Variants in ATXN1 observed in about 807,000 individuals in gnomAD.
ATXN1 encodes the protein ataxin 1.
Under a neutral mutation model 56.4 loss-of-function variants are expected in ATXN1, and 8 were observed. The ratio of observed to expected loss-of-function variants is 0.14; its 90% confidence interval spans 0.08 to 0.26. The LOEUF (loss-of-function observed/expected upper bound fraction) is 0.26. Among genes scored for constraint, ATXN1 ranks in the 10% least tolerant of loss-of-function variants. The pLI, the probability that ATXN1 is intolerant of heterozygous loss-of-function variation, is 1.00. For synonymous variants in ATXN1, 514 were observed against 494.6 expected, an observed-to-expected ratio of 1.04 and a Z score of -0.52; for missense variants, 987 against 1,106.5, an observed-to-expected ratio of 0.89 and a Z score of 1.53.
intron 2 of ATXN1, among the ~76,000 whole-genome samples, chr6:16,724,834 T>C (rs1759815936): frequency 6.6e-6 from 1 of 152,180 alleles, no homozygotes; most frequent in Non-Finnish European, 1.5e-5. Context: ...TGGATAACTT[T>C]AGATTTTTCC....
intron 6 of ATXN1, among the ~76,000 whole-genome samples, chr6:16,403,952 A>G (rs984050967): frequency 1.3e-5 from 2 of 152,192 alleles, no homozygotes; most frequent in Non-Finnish European, 2.9e-5. Context: ...CAATATAGAG[A>G]CACTGGAGGG....
chr6:16,311,727 ACCTCTTAGAGT>A (rs59176676), intron 7 of ATXN1, among the ~76,000 whole-genome samples: 7,175 of 152,290 alleles, frequency 0.047, 346 homozygotes, highest in East Asian at 0.15. Context: ...CCTCTTGCAA[ACCTCTTAGAGT>A]CATTAACAAC....
At chr6:16,617,591 C>T (rs1370803673) in intron 3 of ATXN1, among the ~76,000 whole-genome samples, 4 of 151,694 alleles carry the variant, frequency 2.6e-5, no homozygotes, top group Non-Finnish European at 5.9e-5. Flanking sequence ...AGTGAAACCC[C>T]GTCTCTACTA....
Position 16,506,693 on chromosome 6 carries a change from T to C in ATXN1, c.-299+15934A>G, listed in dbSNP as rs1192286816. On this transcript the variant is annotated intron_variant, in intron 5 of 7. Coordinates refer to ENST00000436367, the MANE Select transcript of ATXN1 (RefSeq NM_001128164.2). The surrounding 1 kb of genome is among the most constrained non-coding windows in gnomAD (Gnocchi z 4.1). ...ATGTGAAATGAACATTATCATTATT[T>C]GTTTCAGTGGAGGCTCACTGGCAAA... is the stretch of plus-strand genomic sequence containing the variant. Among the ~76,000 whole-genome samples, 1 of 152,236 alleles carries C rather than the reference T, an allele frequency of 6.6e-6. No homozygotes were observed. The highest frequency in any genetic ancestry group is 1.5e-5 in the Non-Finnish European group (1 of 68,036).
At chr6:16,673,030 AAAAAAAGAAAAG>A (rs1758579393) in intron 2 of ATXN1, among the ~76,000 whole-genome samples, 1 of 151,454 alleles carries the variant, frequency 6.6e-6, no homozygotes, top group Non-Finnish European at 1.5e-5. Flanking sequence ...CAAAAAAAAA[AAAAAAAGAAAAG>A]AAAAGAAAGA....
chr6:16,564,425 T>A (rs1250330329), intron 4 of ATXN1, among the ~76,000 whole-genome samples: 3 of 152,196 alleles, frequency 2.0e-5, no homozygotes, highest in Admixed American at 1.3e-4. Context: ...AGCAGCACTG[T>A]TCATAATAGT....
chr6:16,586,836 T>C (rs954884278), intron 3 of ATXN1, among the ~76,000 whole-genome samples: 8 of 152,098 alleles, frequency 5.3e-5, no homozygotes, highest in Non-Finnish European at 1.0e-4. Flanking sequence ...CTGGCCAACA[T>C]GGTGTAACCC....
chr6:16,346,732 AGCCCTCACT>A (rs1295841497), intron 6 of ATXN1, among the ~76,000 whole-genome samples: 219 of 150,844 alleles, frequency 1.5e-3, no homozygotes, highest in African/African-American at 5.0e-3. Flanking sequence ...CAGCCCTCAC[AGCCCTCACT>A]TGCTCTCTGC....
intron 3 of ATXN1, among the ~76,000 whole-genome samples, chr6:16,626,244 T>G (rs775575361): frequency 6.6e-6 from 1 of 152,228 alleles, no homozygotes; most frequent in Non-Finnish European, 1.5e-5. Context: ...ATGTAAAGAC[T>G]TGGTAACCAA....
rs1761030225 is a variant in ATXN1, at chr6:16,508,953, C to A, written c.-299+13674G>T. 2.0e-5 allele frequency among the ~76,000 whole-genome samples: 3 copies of A among 152,110 alleles called. No individual in the cohort carries two copies. In the East Asian group the frequency reaches 5.8e-4, roughly 29 times the overall value. The stretch of plus-strand genomic sequence containing the variant: ...TCAGCCTTAAAAAAAGAAATTCTGA[C>A]ACATGTTACAACATGGATGACCTTG... On this transcript the variant is annotated intron_variant, in intron 5 of 7. Coordinates refer to ENST00000436367, the MANE Select transcript of ATXN1 (RefSeq NM_001128164.2).
chr6:16,509,099 GAGGGGGA>G (rs1173068784), intron 5 of ATXN1, among the ~76,000 whole-genome samples: 3 of 152,096 alleles, frequency 2.0e-5, no homozygotes, highest in African/African-American at 4.8e-5. Context: ...TACCAGGAGG[GAGGGGGA>G]AGGGGGAAGG....
intron 6 of ATXN1, among the ~76,000 whole-genome samples, chr6:16,333,552 G>A (rs755721880): frequency 2.3e-4 from 35 of 152,172 alleles, no homozygotes; most frequent in Non-Finnish European, 5.0e-4. Flanking sequence ...AAGAAAATGG[G>A]TTGCTTTTCC....
chr6:16,613,234 C>T (rs1388571972), intron 3 of ATXN1, among the ~76,000 whole-genome samples: 98 of 136,324 alleles, frequency 7.2e-4, no homozygotes, highest in Admixed American at 4.0e-3. Flanking sequence ...CACTGCAGTC[C>T]GCAGTCCGGC....
intron 5 of ATXN1, among the ~76,000 whole-genome samples, chr6:16,508,392 A>G (rs1165109067): frequency 6.6e-6 from 1 of 152,222 alleles, no homozygotes; most frequent in Non-Finnish European, 1.5e-5. Context: ...ATGGTTTAAT[A>G]GAAATCTCTA....
chr6:16,411,654 C>G (rs1057285276), intron 6 of ATXN1, among the ~76,000 whole-genome samples: 4 of 152,066 alleles, frequency 2.6e-5, no homozygotes, highest in Admixed American at 2.6e-4. Flanking sequence ...TCATTGAAGA[C>G]GTTCAAGGAT....
At chr6:16,349,218 T>A (rs1038234467) in intron 6 of ATXN1, among the ~76,000 whole-genome samples, 1 of 152,126 alleles carries the variant, frequency 6.6e-6, no homozygotes, top group Non-Finnish European at 1.5e-5. Context: ...AAAATCACAT[T>A]TTCAGGCTGG....
At chr6:16,370,601 A>G (rs1762020430) in intron 6 of ATXN1, among the ~76,000 whole-genome samples, 1 of 152,198 alleles carries the variant, frequency 6.6e-6, no homozygotes, top group African/African-American at 2.4e-5. Context: ...ACTGCTCCTA[A>G]TATCTCCAAC....
intron 6 of ATXN1, among the ~76,000 whole-genome samples, chr6:16,397,344 C>T (rs1345982498): frequency 6.6e-6 from 1 of 152,130 alleles, no homozygotes; most frequent in East Asian, 1.9e-4. Context: ...GATCTTGGCT[C>T]ACTGCAACCT....
chr6:16,643,973 T>G (rs1763755662), intron 3 of ATXN1, among the ~76,000 whole-genome samples: 1 of 152,186 alleles, frequency 6.6e-6, no homozygotes, highest in Non-Finnish European at 1.5e-5. Context: ...GAAACACTGT[T>G]ATTAAAAATT....
Sources: gnomAD v4.1 joint callset for allele counts (sites outside exome capture counted in the v4.1 genomes callset) on GRCh38, gnomAD v4.1.1 for gene constraint, Gnocchi (gnomAD v3.1) non-coding constraint, MANE v1.5 for transcripts, NCBI Gene and HGNC (gene_info 2026-07-23, HGNC 2026-07-21) for gene names.